Variants in ERBIN observed in about 807,000 individuals in gnomAD.
ERBIN encodes erbb2 interacting protein.
In ERBIN, 60 loss-of-function variants were observed where a neutral mutation model predicts 158.4. That is an observed-to-expected ratio of 0.38 (90% CI 0.31 to 0.47). The LOEUF is 0.47. Ranked by LOEUF, ERBIN falls within the 20% of genes least tolerant of loss-of-function variation. ERBIN has a pLI of 0.99. For synonymous variants in ERBIN, 594 were observed against 557.2 expected (o/e 1.07, Z -0.93); for missense variants, 1,610 against 1,648.0 (o/e 0.98, Z 0.40).
chr5:66,018,498 A>ATT (rs1755137310), intron 7 of ERBIN, among the ~76,000 whole-genome samples: 1 of 17,872 alleles, frequency 5.6e-5, no homozygotes, highest in East Asian at 9.5e-4. Flanking sequence ...TATATTATAT[A>ATT]ATATATATTA....
chr5:65,939,095 A>G (rs572121360), intron 1 of ERBIN, among the ~76,000 whole-genome samples: 1 of 152,350 alleles, frequency 6.6e-6, no homozygotes, highest in South Asian at 2.1e-4. Flanking sequence ...TTTTGTAGTC[A>G]TGAATTCAAC....
intron 1 of ERBIN, among the ~76,000 whole-genome samples, chr5:65,933,909 A>AT (rs915665202): frequency 8.6e-5 from 13 of 151,324 alleles, no homozygotes; most frequent in Non-Finnish European, 1.3e-4. Flanking sequence ...CTAAATATAT[A>AT]TTTTTTTTTA....
At chr5:66,057,770 C>A (rs1003187316) in intron 21 of ERBIN, among the ~76,000 whole-genome samples, 1 of 140,244 alleles carries the variant, frequency 7.1e-6, no homozygotes, top group Non-Finnish European at 1.5e-5. Context: ...TCTCATTGTT[C>A]AATTTCCACC....
rs764483659 is a variant in ERBIN, at chr5:65,927,945, A to G, written c.-58+1139A>G. ...TTGCGGTACAGGGAGGTGAAATACAATACTGTACTTTTGAATATATATTGA... is the reference window on the plus strand; with the variant it reads ...TTGCGGTACAGGGAGGTGAAATACAGTACTGTACTTTTGAATATATATTGA... On this transcript the variant is annotated intron_variant, in intron 1 of 25. Transcript: ENST00000284037. 1.8e-4 allele frequency among the ~76,000 whole-genome samples: 27 copies of G among 152,182 alleles called. 1 individual carries two copies. Among genetic ancestry groups the G allele is most frequent in the South Asian group, 4.1e-4 (2 of 4,828 alleles).
At chr5:66,021,470 A>G in intron 8 of ERBIN, 85 bp downstream of exon 8, 1 of 1,024,708 alleles carries the variant, frequency 9.8e-7, no homozygotes. Flanking sequence ...TCTCTTACAA[A>G]TTGGATAAAG....
chr5:66,075,340 T>C (rs1427445023), intron 23 of ERBIN, 110 bp downstream of exon 23: 1 of 886,402 alleles, frequency 1.1e-6, no homozygotes, highest in East Asian at 2.7e-5. Context: ...GTTATTACCA[T>C]TTAAAGTTTT....
Position 66,078,578 on chromosome 5 carries a change from ATACT to A in ERBIN, c.*52_*55del. The A allele has an allele frequency of 9.4e-7, 1 of 1,067,746 alleles. No homozygotes were observed. The highest frequency in any genetic ancestry group is 1.4e-6 in the Non-Finnish European group (1 of 693,644). The allele number at this position is 1,067,746 out of a possible 1,614,324, so 66.1% of individuals were successfully genotyped here. A position where few individuals can be genotyped will look rare whatever the true frequency, so the allele number is the denominator to read the frequency against. ...GGAAGACAGCAAGATTTATTGGAAG[ATACT>A]TACAGGGGAAATTAATATTTTGACT... On this transcript the variant is annotated 3_prime_UTR_variant, in exon 26 of 26. Transcript: ENST00000284037.
At chr5:66,033,712 G>A (rs1757116505) in intron 14 of ERBIN, among the ~76,000 whole-genome samples, 1 of 152,136 alleles carries the variant, frequency 6.6e-6, no homozygotes, top group Non-Finnish European at 1.5e-5. Flanking sequence ...AAATGGAATG[G>A]AACATAAAGA....
chr5:65,988,229 T>C (rs1053317470), intron 1 of ERBIN, among the ~76,000 whole-genome samples: 2 of 152,148 alleles, frequency 1.3e-5, no homozygotes, highest in Admixed American at 1.3e-4. Context: ...TAAAATTAGC[T>C]GCGTATGGTG....
chr5:65,958,659 AGGGAGG>A lies in ERBIN; in HGVS notation c.-57-29962_-57-29957del, dbSNP rs988638381. On this transcript the variant is annotated intron_variant, in intron 1 of 25. Transcript: ENST00000284037. Reference sequence around the variant, plus strand: ...GAGGGGGAGAGAGAGGGAGACCGTGAGGGAGGGGGAGGGGGAGGGAAATGTAGGATT... The same window carrying A: ...GAGGGGGAGAGAGAGGGAGACCGTGAGGGAGGGGGAGGGAAATGTAGGATT... 6.5e-5 allele frequency among the ~76,000 whole-genome samples: 6 copies of A among 92,454 alleles called. No homozygotes were observed. In the South Asian group the frequency reaches 1.6e-3, roughly 24 times the overall value. The allele number at this position is 92,454 out of a possible 152,430, so 60.7% of individuals were successfully genotyped here.
chr5:66,013,996 G>T (rs1213084646), intron 6 of ERBIN, among the ~76,000 whole-genome samples: 1 of 152,056 alleles, frequency 6.6e-6, no homozygotes, highest in East Asian at 1.9e-4. Context: ...TAAGAAAAGA[G>T]AATCTGTTTC....
chr5:66,035,543 C>T (rs573239706), intron 14 of ERBIN, among the ~76,000 whole-genome samples: 1 of 152,318 alleles, frequency 6.6e-6, no homozygotes, highest in African/African-American at 2.4e-5. Context: ...ATACTGTTCA[C>T]TGTCATCTTT....
At chr5:65,979,812 T>A (rs553927107) in intron 1 of ERBIN, among the ~76,000 whole-genome samples, 1 of 152,376 alleles carries the variant, frequency 6.6e-6, no homozygotes, top group Admixed American at 6.5e-5. Context: ...TTTTTAAATT[T>A]ATATCGATGA....
Position 66,043,320 on chromosome 5 carries a change from C to G in ERBIN, c.1428+122C>G, listed in dbSNP as rs118184096. 3.4e-3 allele frequency: 3,139 copies of G among 931,580 alleles called. 86 individuals carry two copies. In the South Asian group the frequency reaches 0.037, roughly 11 times the overall value. 57.7% of individuals were successfully genotyped at this position (931,580 alleles called of 1,614,324 possible). ...TTGAATTTATTCCTTGTCCTCAAGG[C>G]ACTTGAAGTGTTATTGATTCCAAAT... On this transcript the variant is annotated intron_variant, in intron 16 of 25. Transcript: ENST00000284037.
rs550732914 is a variant in ERBIN, at chr5:65,980,915, A to G, written c.-57-7720A>G. 2.6e-5 allele frequency among the ~76,000 whole-genome samples: 4 copies of G among 152,358 alleles called. 1 individual carries two copies. The highest frequency in any genetic ancestry group is 9.6e-5 in the African/African-American group (4 of 41,600). On this transcript the variant is annotated intron_variant, in intron 1 of 25. Coordinates refer to ENST00000284037, the MANE Select transcript of ERBIN (RefSeq NM_001253697.2). ...GAAAAAGCCATAAATTGGTAAGGCTATAGAAGATTTGAATACAACTGTCAA... is the reference window on the plus strand; with the variant it reads ...GAAAAAGCCATAAATTGGTAAGGCTGTAGAAGATTTGAATACAACTGTCAA...
At chr5:65,966,660 A>G (rs1271568056) in intron 1 of ERBIN, among the ~76,000 whole-genome samples, 1 of 131,476 alleles carries the variant, frequency 7.6e-6, no homozygotes, top group Non-Finnish European at 1.6e-5. Flanking sequence ...AGCCTGGGCA[A>G]CAAGAGTGAA....
rs531666314 is a variant in ERBIN, at chr5:65,965,841, T to C, written c.-57-22794T>C. 2.6e-5 allele frequency among the ~76,000 whole-genome samples: 4 copies of C among 152,356 alleles called. No individual in the cohort carries two copies. The South Asian group carries it at 8.3e-4, about 32-fold the overall frequency. ...TTTCCTTATCATTTACTATTGTTTT[T>C]TCCTTCTTGGAATGTAAGCTCATTA... On this transcript the variant is annotated intron_variant, in intron 1 of 25. Coordinates refer to ENST00000284037, the MANE Select transcript of ERBIN (RefSeq NM_001253697.2).
At chr5:66,016,653 G>A (rs569247829) in intron 7 of ERBIN, among the ~76,000 whole-genome samples, 19 of 139,948 alleles carry the variant, frequency 1.4e-4, no homozygotes, top group Admixed American at 9.7e-4. Flanking sequence ...TCTCTCTGTC[G>A]CCCAGGCTTG....
intron 14 of ERBIN, among the ~76,000 whole-genome samples, chr5:66,030,014 G>C (rs1380957856): frequency 6.6e-6 from 1 of 151,962 alleles, no homozygotes; most frequent in Non-Finnish European, 1.5e-5. Flanking sequence ...ATATTAAAAT[G>C]ATACATTGCC....
Sources: gnomAD v4.1 joint callset for allele counts (sites outside exome capture counted in the v4.1 genomes callset) on GRCh38, gnomAD v4.1.1 for gene constraint, MANE v1.5 for transcripts, NCBI Gene and HGNC (gene_info 2026-07-23, HGNC 2026-07-21) for gene names.